The following SPMIP4 variants were observed in gnomAD, a reference collection of about 807,000 sequenced individuals.
SPMIP4 encodes the protein sperm microtubule inner protein 4.
At chr7:25,155,234 A>G in the SPMIP4 span, 2 of 1,485,328 alleles carry the variant, frequency 1.3e-6, no homozygotes, top group South Asian at 1.4e-5. Context: ...AAAAGAACAG[A>G]AAGAAGTATG....
the SPMIP4 span, among the ~76,000 whole-genome samples, chr7:25,149,404 C>T: frequency 6.6e-6 from 1 of 152,156 alleles, no homozygotes; most frequent in African/African-American, 2.4e-5. Context: ...CCACGAAGCT[C>T]AGCATCTATT....
At chr7:25,152,746 CTCTT>C in the SPMIP4 span, among the ~76,000 whole-genome samples, 11 of 128,520 alleles carry the variant, frequency 8.6e-5, no homozygotes, top group African/African-American at 3.0e-4. Context: ...TTCGTTGTCT[CTCTT>C]TTTTTTTTTT....
the SPMIP4 span, among the ~76,000 whole-genome samples, chr7:25,153,388 AC>A: frequency 6.6e-6 from 1 of 151,826 alleles, no homozygotes; most frequent in Non-Finnish European, 1.5e-5. Context: ...ACATGGTGAA[AC>A]CCTGTCTCTA....
chr7:25,135,598 T>A, the SPMIP4 span: 1 of 873,744 alleles, frequency 1.1e-6, no homozygotes. Flanking sequence ...ATTCATTAAT[T>A]ATTGATCATT....
the SPMIP4 span, among the ~76,000 whole-genome samples, chr7:25,167,220 G>A: frequency 1.5e-3 from 230 of 152,326 alleles, 1 homozygote; most frequent in Middle Eastern, 0.027. Flanking sequence ...ATAAACAGAT[G>A]CACAAATAAA....
chr7:25,160,904 A>G, the SPMIP4 span, among the ~76,000 whole-genome samples: 73 of 152,192 alleles, frequency 4.8e-4, 1 homozygote, highest in African/African-American at 1.7e-3. Context: ...AGTAGGTCAA[A>G]GGCAGGAAAA....
At chr7:25,135,988 T>A in the SPMIP4 span, 3 of 1,594,354 alleles carry the variant, frequency 1.9e-6, no homozygotes, top group African/African-American at 4.1e-5. Flanking sequence ...ATAGAAATAA[T>A]AGGAATTATG....
At chr7:25,161,155 T>C in the SPMIP4 span, 29 of 1,303,790 alleles carry the variant, frequency 2.2e-5, no homozygotes, top group Non-Finnish European at 3.1e-5. Flanking sequence ...AAAATGTTAT[T>C]TGATTTTATA....
chr7:25,135,705 T>C, the SPMIP4 span: 1 of 977,324 alleles, frequency 1.0e-6, no homozygotes, highest in South Asian at 4.3e-5. Context: ...TTTCCTTGTA[T>C]AATCTGAAGA....
chr7:25,131,892 G>C, the SPMIP4 span, among the ~76,000 whole-genome samples: 2 of 152,186 alleles, frequency 1.3e-5, no homozygotes. This position sits in a 1 kb window ranked among gnomAD's most constrained non-coding sequence, Gnocchi z 4.2. Flanking sequence ...GCTGGATCAG[G>C]AGCACAGCTG....
At chr7:25,151,655 T>C in the SPMIP4 span, 1 of 1,611,168 alleles carries the variant, frequency 6.2e-7, no homozygotes, top group Non-Finnish European at 8.5e-7. Context: ...TCCATGGGAA[T>C]ATCAATCAGT....
At chr7:25,165,022 G>A in the SPMIP4 span, among the ~76,000 whole-genome samples, 95 of 152,270 alleles carry the variant, frequency 6.2e-4, no homozygotes, top group Admixed American at 1.0e-3. Flanking sequence ...CATCTACTCG[G>A]TTAATGGGCA....
At chr7:25,154,355 T>G in the SPMIP4 span, among the ~76,000 whole-genome samples, 1 of 152,172 alleles carries the variant, frequency 6.6e-6, no homozygotes, top group African/African-American at 2.4e-5. Flanking sequence ...TCTCAAGTGT[T>G]TTCACTCTTT....
chr7:25,130,606 G>A, the SPMIP4 span, among the ~76,000 whole-genome samples: 30 of 152,206 alleles, frequency 2.0e-4, no homozygotes, highest in African/African-American at 7.0e-4. Context: ...GAGCCACCGC[G>A]CCCAGCCAGT....
At chr7:25,151,535 A>C in the SPMIP4 span, 1 of 1,055,746 alleles carries the variant, frequency 9.5e-7, no homozygotes, top group African/African-American at 1.6e-5. Context: ...GATTTTTATA[A>C]AGGTATTGAC....
chr7:25,140,636 C>A, the SPMIP4 span, among the ~76,000 whole-genome samples: 27 of 150,208 alleles, frequency 1.8e-4, no homozygotes, highest in Admixed American at 5.3e-4. Context: ...TTTCTCCCCC[C>A]GCCCAGCATG....
the SPMIP4 span, chr7:25,135,688 T>C: frequency 1.1e-6 from 1 of 934,714 alleles, no homozygotes; most frequent in South Asian, 4.5e-5. Flanking sequence ...TTTGTGATTT[T>C]GGAAAATTTC....
At chr7:25,142,269 G>A in the SPMIP4 span, 68 of 1,613,320 alleles carry the variant, frequency 4.2e-5, no homozygotes, top group South Asian at 6.9e-4. Context: ...TATCTTTCGT[G>A]TTAACTCTGC....
At chr7:25,171,607 T>C in the SPMIP4 span, among the ~76,000 whole-genome samples, 1 of 152,050 alleles carries the variant, frequency 6.6e-6, no homozygotes, top group Non-Finnish European at 1.5e-5. Context: ...TAAAAACAAC[T>C]AGCTTTTTGA....
Sources: allele counts gnomAD v4.1 joint callset (sites outside exome capture counted in the v4.1 genomes callset), GRCh38; gene constraint gnomAD v4.1.1; non-coding constraint Gnocchi (gnomAD v3.1); transcripts MANE v1.5; gene names NCBI Gene and HGNC (gene_info 2026-07-23, HGNC 2026-07-21).